ACSBG1: variants seen among roughly 807,000 people sequenced by gnomAD.
ACSBG1 encodes acyl-CoA synthetase bubblegum family member 1.
ACSBG1 carries 39 observed loss-of-function variants against 80.2 expected under a neutral mutation model. The observed-to-expected ratio is 0.49, with a 90% CI of 0.38 to 0.64. ACSBG1 has a LOEUF of 0.64. Among genes scored for constraint, ACSBG1 ranks in the 30% least tolerant of loss-of-function variants. The pLI is 0.00. For synonymous variants in ACSBG1, 392 were observed against 379.5 expected, an observed-to-expected ratio of 1.03 and a Z score of -0.38; for missense variants, 828 against 966.4, an observed-to-expected ratio of 0.86 and a Z score of 1.90.
chr15:78,186,916 T>C (rs928314993), intron 5 of ACSBG1, among the ~76,000 whole-genome samples: 1 of 151,986 alleles, frequency 6.6e-6, no homozygotes, highest in Non-Finnish European at 1.5e-5. Flanking sequence ...ACAAAATTGA[T>C]AGACCGCTAG....
intron 5 of ACSBG1, among the ~76,000 whole-genome samples, chr15:78,186,027 T>C (rs2075000574): frequency 6.6e-6 from 1 of 152,230 alleles, no homozygotes; most frequent in African/African-American, 2.4e-5. Context: ...AAGTTCTTAG[T>C]CTCTTTGTAG....
intron 1 of ACSBG1, among the ~76,000 whole-genome samples, chr15:78,217,009 T>G (rs1320144416): frequency 1.3e-5 from 2 of 152,234 alleles, no homozygotes; most frequent in South Asian, 2.1e-4. Flanking sequence ...TGGTTCATTC[T>G]GGGACTCTGT....
At chr15:78,175,032 T>C (rs1003246478) in intron 11 of ACSBG1, among the ~76,000 whole-genome samples, 1 of 152,234 alleles carries the variant, frequency 6.6e-6, no homozygotes, top group African/African-American at 2.4e-5. Flanking sequence ...CAAGCTCACA[T>C]GCTAATAAGT....
At chr15:78,207,923 A>ACCCCCCCC in intron 2 of ACSBG1, 79 bp downstream of exon 2, 1 of 284,792 alleles carries the variant, frequency 3.5e-6, no homozygotes, top group Non-Finnish European at 7.2e-6. Flanking sequence ...GTGGTCCCCC[A>ACCCCCCCC]CACCACCCAC....
Position 78,168,936 on chromosome 15 carries a change from T to C in ACSBG1, c.*2508A>G, listed in dbSNP as rs76789131. ...CCTTTTCTCAGAGCTTGACAAAAGA[T>C]TTGGGAGGCAATGCAAAATGCTCAG... On this transcript the variant is annotated 3_prime_UTR_variant, in exon 14 of 14. Coordinates refer to ENST00000258873, the MANE Select transcript of ACSBG1 (RefSeq NM_015162.5). 7.7e-4 allele frequency: 1,228 copies of C among 1,599,690 alleles called. 15 individuals carry two copies. The East Asian group carries it at 0.024, about 31-fold the overall frequency.
chr15:78,206,817 T>C (rs866804424), intron 2 of ACSBG1, among the ~76,000 whole-genome samples: 10 of 152,234 alleles, frequency 6.6e-5, no homozygotes, highest in African/African-American at 2.2e-4. Context: ...GATTATGTGT[T>C]TCTCCCTCGG....
chr15:78,173,791 G>C lies in ACSBG1; in HGVS notation c.1891C>G (p.Gln631Glu). 1 of 1,614,132 alleles carries C rather than the reference G, an allele frequency of 6.2e-7. No individual in the cohort carries two copies. Among genetic ancestry groups the C allele is most frequent in the South Asian group, 1.1e-5 (1 of 91,064 alleles). Residue 631 changes from glutamine (Q) to glutamate (E), a missense_variant, in exon 13 of 14, where the codon CAA becomes GAA. Transcript: ENST00000258873. ...TSDQTDNLTE[Q>E]AMEFCQRVGS... ...ACCCTCTGGCAGAACTCCATAGCTT[G>C]TTCAGTCAGATTATCAGTCTGGTCA...
At chr15:78,183,660 G>A (rs370841781) in intron 5 of ACSBG1, among the ~76,000 whole-genome samples, 25 of 152,326 alleles carry the variant, frequency 1.6e-4, no homozygotes, top group African/African-American at 4.3e-4. Context: ...AGAAGAAAGG[G>A]ATGGAAGCAA....
intron 1 of ACSBG1, among the ~76,000 whole-genome samples, chr15:78,215,770 GAAAGAAAGAAAGAA>G (rs1340620804): frequency 1.9e-4 from 28 of 149,530 alleles, no homozygotes; most frequent in African/African-American, 7.0e-4. Context: ...AAGAAAGAAA[GAAAGAAAGAAAGAA>G]AGAGAAAGAA....
intron 1 of ACSBG1, among the ~76,000 whole-genome samples, chr15:78,216,042 A>G (rs2075309810): frequency 6.6e-6 from 1 of 152,248 alleles, no homozygotes; most frequent in South Asian, 2.1e-4. Context: ...CAAGGCACTC[A>G]GCATTTAGAA....
Position 78,178,693 on chromosome 15 carries a change from G to A in ACSBG1, c.1623C>T (p.Asp541=), listed in dbSNP as rs190337245. Residue 541 remains aspartate, a synonymous_variant, in exon 11 of 14, where the codon GAC becomes GAT. Transcript: ENST00000258873. This position sits in a 1 kb window ranked among gnomAD's most constrained non-coding sequence, Gnocchi z 4.3. ...CACCCGTGTGCAGCCAGCCTTCCTC[G>A]TCGATGGCCTCACAAGTCTTGTCCT... is the stretch of plus-strand genomic sequence containing the variant. ...NMEDKTCEAI[D]EEGWLHTGDA... The A allele has an allele frequency of 2.7e-5, 44 of 1,614,038 alleles. No homozygotes were observed. The highest frequency in any genetic ancestry group is 2.0e-4 in the Admixed American group (12 of 60,012).
intron 5 of ACSBG1, among the ~76,000 whole-genome samples, chr15:78,191,818 A>G (rs1448150470): frequency 6.6e-6 from 1 of 152,138 alleles, no homozygotes; most frequent in South Asian, 2.1e-4. Context: ...GGTATCACCT[A>G]TGGGGTGACA....
At position 78,195,276 on chromosome 15, in the gene ACSBG1, G is replaced by T. The variant is rs553828634; in HGVS notation, c.233-550C>A. ...TGCTCATTCTCCTCCTACAAATGAG[G>T]TGTCTCATTTAGTCTTCACAGCATG... On this transcript the variant is annotated intron_variant, in intron 2 of 13. Transcript: ENST00000258873. Among the ~76,000 whole-genome samples the T allele has an allele frequency of 2.8e-4, 42 of 152,292 alleles. No homozygotes were observed. In the East Asian group the frequency reaches 7.9e-3, roughly 29 times the overall value.
chr15:78,170,378 A>G lies in ACSBG1; in HGVS notation c.*1066T>C, dbSNP rs2074804994. The G allele has an allele frequency of 6.6e-6, 1 of 151,502 alleles. No individual in the cohort carries two copies. Among genetic ancestry groups the G allele is most frequent in the Non-Finnish European group, 1.5e-5 (1 of 67,892 alleles). 9.4% of individuals were successfully genotyped at this position (151,502 alleles called of 1,614,324 possible). A position where few individuals can be genotyped will look rare whatever the true frequency, so the allele number is the denominator to read the frequency against. On this transcript the variant is annotated 3_prime_UTR_variant, in exon 14 of 14. Transcript: ENST00000258873. ...CAAGGGGATTTTTTTTTTTTTAGCA[A>G]TGATATCCCTGTCTGGGTCACTTTT...
chr15:78,205,974 TC>T (rs573101739), intron 2 of ACSBG1, among the ~76,000 whole-genome samples: 37 of 152,224 alleles, frequency 2.4e-4, no homozygotes, highest in African/African-American at 8.7e-4. Context: ...GGACACGCCA[TC>T]CATGAGAATC....
Position 78,191,029 on chromosome 15 carries a change from A to C in ACSBG1, c.663+2477T>G, listed in dbSNP as rs574921529. 2.0e-5 allele frequency among the ~76,000 whole-genome samples: 3 copies of C among 152,354 alleles called. No homozygotes were observed. In the East Asian group the frequency reaches 5.8e-4, roughly 29 times the overall value. On this transcript the variant is annotated intron_variant, in intron 5 of 13. Transcript: ENST00000258873. ...GCTGTCTACAAGAAACTCACTTTAA[A>C]TATAAAGACACAGCTAGGTTAAAAT...
intron 2 of ACSBG1, among the ~76,000 whole-genome samples, chr15:78,203,652 G>A (rs1042364601): frequency 1.3e-5 from 2 of 152,234 alleles, no homozygotes; most frequent in African/African-American, 2.4e-5. Flanking sequence ...GAATAAAGGC[G>A]TCTAAAGAGC....
intron 4 of ACSBG1, 56 bp from the exon 5 acceptor site, chr15:78,193,682 T>TG: frequency 1.9e-6 from 3 of 1,560,254 alleles, no homozygotes; most frequent in African/African-American, 1.4e-5. Flanking sequence ...GCCACCCCCT[T>TG]CCCCCACCCC....
intron 5 of ACSBG1, among the ~76,000 whole-genome samples, chr15:78,192,675 A>G (rs886134276): frequency 1.3e-5 from 2 of 152,222 alleles, no homozygotes; most frequent in Non-Finnish European, 2.9e-5. Context: ...CTTCTCCACT[A>G]GAAATGAGGA....
Sources: gnomAD v4.1 joint callset for allele counts (sites outside exome capture counted in the v4.1 genomes callset) on GRCh38, gnomAD v4.1.1 for gene constraint, Gnocchi (gnomAD v3.1) non-coding constraint, MANE v1.5 for transcripts, NCBI Gene and HGNC (gene_info 2026-07-23, HGNC 2026-07-21) for gene names.